BCL2L13: variants seen among roughly 807,000 people sequenced by gnomAD.
BCL2L13 encodes the protein BCL2 like 13.
A neutral mutation model predicts 25.8 loss-of-function variants in BCL2L13; 13 were observed. The observed-to-expected ratio is 0.50, with a 90% CI of 0.33 to 0.80. The LOEUF (loss-of-function observed/expected upper bound fraction) is 0.80. Among genes scored for constraint, BCL2L13 ranks in the 30% least tolerant of loss-of-function variants. The pLI is 0.02. For synonymous variants in BCL2L13, 244 were observed against 230.3 expected (o/e 1.06, Z -0.54); for missense variants, 504 against 574.9 (o/e 0.88, Z 1.26).
At chr22:17,716,916 A>G (rs2060962028) in intron 6 of BCL2L13, among the ~76,000 whole-genome samples, 1 of 152,140 alleles carries the variant, frequency 6.6e-6, no homozygotes, top group Admixed American at 6.5e-5. Flanking sequence ...ACCTTTTATG[A>G]GATAGAGGCT....
At chr22:17,724,565 C>T (rs1328659428) in intron 6 of BCL2L13, among the ~76,000 whole-genome samples, 4 of 152,116 alleles carry the variant, frequency 2.6e-5, no homozygotes, top group Non-Finnish European at 5.9e-5. Context: ...ACATCATGGT[C>T]GTGTGATTTA....
At chr22:17,630,821 C>G (rs1054415560) in intron 1 of BCL2L13, among the ~76,000 whole-genome samples, 31 of 151,500 alleles carry the variant, frequency 2.0e-4, no homozygotes, top group Non-Finnish European at 3.8e-4. Context: ...GAACTCCCGA[C>G]CTCAGGTGAT....
intron 1 of BCL2L13, among the ~76,000 whole-genome samples, chr22:17,629,829 A>G (rs555753228): frequency 1.3e-5 from 2 of 151,830 alleles, no homozygotes; most frequent in Admixed American, 6.6e-5. Context: ...ACACACACAC[A>G]CACACACACA....
At chr22:17,631,670 G>GTATATATATATATATATATATATATATA (rs1181793721) in intron 1 of BCL2L13, among the ~76,000 whole-genome samples, 1 of 26,892 alleles carries the variant, frequency 3.7e-5, no homozygotes, top group African/African-American at 1.3e-4. Flanking sequence ...GTGTGTGTGT[G>GTATATATATATATATATATATATATATA]TATATATATA....
chr22:17,680,176 T>G (rs1265903172), intron 2 of BCL2L13, among the ~76,000 whole-genome samples: 1 of 129,370 alleles, frequency 7.7e-6, no homozygotes, highest in East Asian at 2.5e-4. Flanking sequence ...GATTGTGCTA[T>G]TGCACTCCAG....
At chr22:17,661,665 G>C (rs2059069497) in intron 2 of BCL2L13, among the ~76,000 whole-genome samples, 1 of 145,834 alleles carries the variant, frequency 6.9e-6, no homozygotes, top group South Asian at 2.1e-4. Context: ...TCTGTCCTTA[G>C]AGATTTCACA....
At chr22:17,680,562 G>C (rs1430798451) in intron 2 of BCL2L13, among the ~76,000 whole-genome samples, 1 of 126,062 alleles carries the variant, frequency 7.9e-6, no homozygotes, top group East Asian at 2.7e-4. Flanking sequence ...CTCATACCTA[G>C]AAAGGTTGGA....
chr22:17,727,597 A>C lies in BCL2L13; in HGVS notation c.*63A>C. The C allele has an allele frequency of 6.3e-7, 1 of 1,582,878 alleles. No individual in the cohort carries two copies. Among genetic ancestry groups the C allele is most frequent in the Non-Finnish European group, 8.6e-7 (1 of 1,163,836 alleles). The stretch of plus-strand genomic sequence containing the variant: ...TTGGAGTTGTATTGGCTGGAATTTG[A>C]ACCTCCAGCAGCTGTCTGGACATTT... On this transcript the variant is annotated 3_prime_UTR_variant, in exon 7 of 7. Coordinates refer to ENST00000317582, the MANE Select transcript of BCL2L13 (RefSeq NM_015367.4).
intron 2 of BCL2L13, among the ~76,000 whole-genome samples, chr22:17,682,281 A>T (rs2059779294): frequency 6.6e-6 from 1 of 152,232 alleles, no homozygotes; most frequent in Non-Finnish European, 1.5e-5. Flanking sequence ...CGTTATGCCC[A>T]CAGTGGTGGA....
intron 1 of BCL2L13, 114 bp from the exon 2 acceptor site, chr22:17,655,548 G>A (rs569647136): frequency 8.0e-6 from 6 of 748,424 alleles, no homozygotes; most frequent in East Asian, 7.0e-5. Flanking sequence ...CTGCCTGAGC[G>A]ACAAGAGCAA....
intron 1 of BCL2L13, among the ~76,000 whole-genome samples, chr22:17,653,561 A>G (rs188618889): frequency 6.8e-5 from 9 of 131,564 alleles, no homozygotes; most frequent in Admixed American, 6.2e-4. Flanking sequence ...GTGCATTGGT[A>G]TGTGATCATA....
chr22:17,636,552 G>A (rs978146254), upstream of BCL2L13, among the ~76,000 whole-genome samples: 2 of 152,046 alleles, frequency 1.3e-5, no homozygotes, highest in Admixed American at 6.6e-5. Flanking sequence ...CACTTTGGGA[G>A]GCCGAGAGGG....
intron 1 of BCL2L13, among the ~76,000 whole-genome samples, chr22:17,646,947 ATATATATATTT>A (rs2058502312): frequency 4.1e-5 from 1 of 24,204 alleles, no homozygotes; most frequent in African/African-American, 1.8e-4. Context: ...ATATATATAT[ATATATATATTT>A]TTTTTTTTTT....
chr22:17,687,823 T>TTC (rs1353498632), intron 3 of BCL2L13, among the ~76,000 whole-genome samples: 2 of 149,350 alleles, frequency 1.3e-5, no homozygotes, highest in Non-Finnish European at 3.0e-5. Flanking sequence ...GGCCCCTTTT[T>TTC]TTTTTTTTTT....
intron 2 of BCL2L13, among the ~76,000 whole-genome samples, chr22:17,680,277 G>A (rs1178084359): frequency 2.0e-5 from 3 of 146,484 alleles, no homozygotes; most frequent in African/African-American, 5.0e-5. Flanking sequence ...TTGGGAGGCC[G>A]AGGTGGGCGC....
intron 6 of BCL2L13, among the ~76,000 whole-genome samples, chr22:17,722,376 GGGGTGTGTGTGTGT>G (rs1346670096): frequency 2.5e-4 from 17 of 67,924 alleles, no homozygotes; most frequent in East Asian, 1.3e-3. Flanking sequence ...TGAGACTACA[GGGGTGTGTGTGTGT>G]GTGTGTGTGT....
intron 5 of BCL2L13, among the ~76,000 whole-genome samples, chr22:17,698,206 C>G (rs1204668294): frequency 6.6e-6 from 1 of 151,916 alleles, no homozygotes; most frequent in African/African-American, 2.4e-5. Flanking sequence ...CCTTTCCCTT[C>G]CGGGTTCAAG....
rs28519551 is a variant in BCL2L13, at chr22:17,648,830, T to C, written c.-50-6832T>C. 2.6e-3 allele frequency among the ~76,000 whole-genome samples: 394 copies of C among 152,316 alleles called. 4 individuals are homozygous for C. The highest frequency in any genetic ancestry group is 9.0e-3 in the African/African-American group (375 of 41,584). On this transcript the variant is annotated intron_variant, in intron 1 of 6. Coordinates refer to ENST00000317582, the MANE Select transcript of BCL2L13 (RefSeq NM_015367.4). ...CTAAAAATCAAATTTGGAAACTTAG[T>C]GATTTGTAGTTTGTCTCTGGCTTTT... is the stretch of plus-strand genomic sequence containing the variant.
chr22:17,631,687 TATATATATA>T (rs2058025438), intron 1 of BCL2L13, among the ~76,000 whole-genome samples: 1 of 61,356 alleles, frequency 1.6e-5, no homozygotes, highest in South Asian at 6.9e-4. Context: ...TATATATATA[TATATATATA>T]TATATATATA....
Sources: allele counts gnomAD v4.1 joint callset (sites outside exome capture counted in the v4.1 genomes callset), GRCh38; gene constraint gnomAD v4.1.1; transcripts MANE v1.5; gene names NCBI Gene and HGNC (gene_info 2026-07-23, HGNC 2026-07-21).